Variants in CCSER2 observed in about 807,000 individuals in gnomAD.
CCSER2 encodes the protein coiled-coil serine rich protein 2.
A neutral mutation model predicts 92.3 loss-of-function variants in CCSER2; 46 were observed. That is an observed-to-expected ratio of 0.50 (90% confidence interval 0.39 to 0.64). The LOEUF (loss-of-function observed/expected upper bound fraction) is 0.64. Among genes scored for constraint, CCSER2 ranks in the 30% least tolerant of loss-of-function variants. The probability of loss-of-function intolerance (pLI) is 0.00; values close to 1 mark genes in which losing one functional copy is unlikely to be tolerated. For missense variants in CCSER2, 1,244 were observed against 1,238.9 expected (o/e 1.00, Z -0.06); for synonymous variants, 433 against 431.4 (o/e 1.00, Z -0.04).
At chr10:84,367,389 T>C (rs567191256) in intron 1 of CCSER2, among the ~76,000 whole-genome samples, 212 of 152,128 alleles carry the variant, frequency 1.4e-3, no homozygotes, top group African/African-American at 5.0e-3. Context: ...ATACTTTTTT[T>C]TTTTTGAAAC....
At chr10:84,459,537 A>T (rs889592388) in intron 6 of CCSER2, among the ~76,000 whole-genome samples, 3 of 151,808 alleles carry the variant, frequency 2.0e-5, no homozygotes, top group South Asian at 4.2e-4. Flanking sequence ...TTGGGGGGGA[A>T]TCAGAGACAG....
chr10:84,438,708 G>C lies in CCSER2; in HGVS notation c.2064+1G>C. 1 of 1,579,254 alleles carries C rather than the reference G, an allele frequency of 6.3e-7. No individual in the cohort carries two copies. Among genetic ancestry groups the C allele is most frequent in the Admixed American group, 1.8e-5 (1 of 56,030 alleles). On this transcript the variant is annotated splice_donor_variant, in intron 6 of 9. Coordinates refer to ENST00000372088, the MANE Select transcript of CCSER2 (RefSeq NM_001284240.2). LOFTEE classifies it high-confidence loss of function. ...CAAACTGAAACGTCTCCTGCATCAG[G>C]TGAGTACATAATGAACATTTCCAGC... is the stretch of plus-strand genomic sequence containing the variant.
chr10:84,335,524 G>GT (rs1564573977), intron 1 of CCSER2, among the ~76,000 whole-genome samples: 1 of 152,088 alleles, frequency 6.6e-6, no homozygotes, highest in Admixed American at 6.5e-5. Flanking sequence ...GATTACAGGT[G>GT]TGAGCCACCA....
intron 9 of CCSER2, among the ~76,000 whole-genome samples, chr10:84,490,848 G>GT (rs1454664572): frequency 1.3e-5 from 2 of 152,314 alleles, no homozygotes; most frequent in South Asian, 4.1e-4. Flanking sequence ...TTTCTGCTCT[G>GT]TTTTTTCCCC....
rs1407171384 is a variant in CCSER2 at position 84,424,297 on chromosome 10, C to T, written c.1706-1434C>T. On this transcript the variant is annotated intron_variant, in intron 4 of 9. Transcript: ENST00000372088. ...AACTGAACTTAAAAAAAAAAAAAAACTTGGTTTATTCCTGTAAGATGACAA... is the reference window on the plus strand; with the variant it reads ...AACTGAACTTAAAAAAAAAAAAAAATTTGGTTTATTCCTGTAAGATGACAA... Among the ~76,000 whole-genome samples the T allele has an allele frequency of 2.0e-5, 3 of 147,418 alleles. No individual in the cohort carries two copies. In the East Asian group the frequency reaches 6.0e-4, roughly 30 times the overall value.
chr10:84,341,343 CTTTTTTTTTT>C (rs35558044), intron 1 of CCSER2, among the ~76,000 whole-genome samples: 1 of 94,304 alleles, frequency 1.1e-5, no homozygotes, highest in African/African-American at 5.2e-5. Flanking sequence ...CTTTGTAACT[CTTTTTTTTTT>C]TTTTTTTTTT....
Position 84,483,953 on chromosome 10 carries a change from TTATATATATATATATATATATA to T in CCSER2, c.2325+6312_2325+6333del, listed in dbSNP as rs57427963. On this transcript the variant is annotated intron_variant, in intron 9 of 9. Transcript: ENST00000372088. ...GTGCATCCCACCACACCCGGCTAATTTATATATATATATATATATATATATATATATATATATATATATAATT... is the reference window on the plus strand; with the variant it reads ...GTGCATCCCACCACACCCGGCTAATTTATATATATATATATATATATAATT... 3.8e-3 allele frequency among the ~76,000 whole-genome samples: 184 copies of T among 48,052 alleles called. 2 individuals are homozygous for T. Among genetic ancestry groups the T allele is most frequent in the Admixed American group, 0.012 (38 of 3,260 alleles). The allele number at this position is 48,052 out of a possible 152,430, so 31.5% of individuals were successfully genotyped here.
At chr10:84,464,055 T>C (rs1394041204) in intron 7 of CCSER2, 39 bp downstream of exon 7, 1 of 980,282 alleles carries the variant, frequency 1.0e-6, no homozygotes, top group Non-Finnish European at 1.6e-6. Context: ...TCAAAATTCT[T>C]TTTAAATACT....
At chr10:84,427,697 C>T (rs1303564371) in intron 5 of CCSER2, among the ~76,000 whole-genome samples, 1 of 152,146 alleles carries the variant, frequency 6.6e-6, no homozygotes, top group African/African-American at 2.4e-5. Context: ...TTCCTCTCTT[C>T]TTTTCTGCCC....
At chr10:84,449,147 G>T (rs1266384274) in intron 6 of CCSER2, among the ~76,000 whole-genome samples, 1 of 152,216 alleles carries the variant, frequency 6.6e-6, no homozygotes, top group South Asian at 2.1e-4. Context: ...GGCCGAGGTA[G>T]GTGGATCACC....
At chr10:84,364,601 G>A (rs147924745) in intron 1 of CCSER2, among the ~76,000 whole-genome samples, 120 of 152,254 alleles carry the variant, frequency 7.9e-4, no homozygotes, top group African/African-American at 2.8e-3. Flanking sequence ...AGTATGAAGT[G>A]GTAAGCATGG....
intron 7 of CCSER2, among the ~76,000 whole-genome samples, chr10:84,469,594 C>A (rs187105041): frequency 1.4e-3 from 214 of 152,230 alleles, no homozygotes; most frequent in Non-Finnish European, 2.5e-3. Flanking sequence ...TTATTCACAT[C>A]TATATTTGAA....
At chr10:84,406,721 A>G (rs1009253455) in intron 3 of CCSER2, among the ~76,000 whole-genome samples, 1 of 152,222 alleles carries the variant, frequency 6.6e-6, no homozygotes, top group Non-Finnish European at 1.5e-5. Flanking sequence ...GTTGGCTCCC[A>G]ATAAGTGCAG....
intron 3 of CCSER2, 83 bp downstream of exon 3, chr10:84,373,898 A>G (rs755158376): frequency 6.4e-7 from 1 of 1,568,332 alleles, no homozygotes; most frequent in South Asian, 1.2e-5. Flanking sequence ...TTTGTAAAAA[A>G]TTTATGAATT....
chr10:84,487,207 G>C (rs1377860729), intron 9 of CCSER2, among the ~76,000 whole-genome samples: 1 of 152,196 alleles, frequency 6.6e-6, no homozygotes, highest in Non-Finnish European at 1.5e-5. Flanking sequence ...TTTTGGCTTA[G>C]GATAGTCTTG....
At position 84,428,871 on chromosome 10, in the gene CCSER2, C is replaced by G. The variant is rs1040691876; in HGVS notation, c.1868+2978C>G. 1.7e-4 allele frequency among the ~76,000 whole-genome samples: 26 copies of G among 150,996 alleles called. 1 individual carries two copies. Among genetic ancestry groups the G allele is most frequent in the Admixed American group, 1.7e-3 (26 of 15,184 alleles). On this transcript the variant is annotated intron_variant, in intron 5 of 9. Coordinates refer to ENST00000372088, the MANE Select transcript of CCSER2 (RefSeq NM_001284240.2). ...GTCTATGGAGATAATCTTTTTTTTC[C>G]GCTTTCATTCTACTAATGTGGAGTA...
intron 3 of CCSER2, among the ~76,000 whole-genome samples, chr10:84,404,725 A>G (rs1297840575): frequency 6.6e-6 from 1 of 152,242 alleles, no homozygotes; most frequent in Non-Finnish European, 1.5e-5. Flanking sequence ...AAGATACAAA[A>G]TCAATGCACA....
At position 84,416,164 on chromosome 10, in the gene CCSER2, C is replaced by T. The variant is rs142957660; in HGVS notation, c.1615-1607C>T. Among the ~76,000 whole-genome samples the T allele has an allele frequency of 4.3e-3, 656 of 152,304 alleles. 10 individuals carry two copies. The highest frequency in any genetic ancestry group is 0.015 in the African/African-American group (640 of 41,560). The stretch of plus-strand genomic sequence containing the variant: ...CCCCAGGTGGGATTGCACAATCACT[C>T]ACCACTTCTCTTGGCAGAGGTTGGG... On this transcript the variant is annotated intron_variant, in intron 3 of 9. Transcript: ENST00000372088.
At chr10:84,391,623 TG>T (rs777532930) in intron 3 of CCSER2, 43 of 1,532,144 alleles carry the variant, frequency 2.8e-5, no homozygotes, top group Non-Finnish European at 3.6e-5. Flanking sequence ...ATTCCTATGG[TG>T]TTGCACTAGC....
Sources: allele counts gnomAD v4.1 joint callset (sites outside exome capture counted in the v4.1 genomes callset), GRCh38; gene constraint gnomAD v4.1.1; transcripts MANE v1.5; gene names NCBI Gene and HGNC (gene_info 2026-07-23, HGNC 2026-07-21).